NECTIN3: variants seen among roughly 807,000 people sequenced by gnomAD.
NECTIN3 encodes the protein nectin cell adhesion molecule 3.
In NECTIN3, 8 loss-of-function variants were observed where a neutral mutation model predicts 49.4. The ratio of observed to expected loss-of-function variants is 0.16; its 90% CI spans 0.10 to 0.29. The LOEUF (loss-of-function observed/expected upper bound fraction) is 0.29. Ranked by LOEUF, NECTIN3 falls within the 10% of genes least tolerant of loss-of-function variation. The probability of loss-of-function intolerance (pLI) is 1.00; values close to 1 mark genes in which losing one functional copy is unlikely to be tolerated. For missense variants in NECTIN3, 581 were observed against 654.6 expected, an observed-to-expected ratio of 0.89 and a Z score of 1.23; for synonymous variants, 277 against 241.1, an observed-to-expected ratio of 1.15 and a Z score of -1.38.
chr3:111,079,368 A>G (rs535096187), intron 1 of NECTIN3, among the ~76,000 whole-genome samples: 30 of 152,088 alleles, frequency 2.0e-4, no homozygotes, highest in African/African-American at 7.0e-4. Flanking sequence ...TATTTTCATT[A>G]TATTTGTAGT....
At chr3:111,151,679 C>T (rs965540889) in intron 7 of NECTIN3, among the ~76,000 whole-genome samples, 14 of 151,844 alleles carry the variant, frequency 9.2e-5, no homozygotes, top group African/African-American at 3.4e-4. Flanking sequence ...AGTGTGTCAG[C>T]ACTGTTAACT....
intron 1 of NECTIN3, among the ~76,000 whole-genome samples, chr3:111,081,184 G>A (rs1237094689): frequency 6.6e-6 from 1 of 152,236 alleles, no homozygotes; most frequent in Non-Finnish European, 1.5e-5. Flanking sequence ...AGGAGGGTAA[G>A]GTGGGAGGAT....
chr3:111,158,428 A>C (rs2035142520), intron 7 of NECTIN3, among the ~76,000 whole-genome samples: 2 of 152,076 alleles, frequency 1.3e-5, no homozygotes. Flanking sequence ...CCTGTTTATG[A>C]AAAGAAATGG....
downstream of NECTIN3, among the ~76,000 whole-genome samples, chr3:111,138,131 T>G (rs1428213586): frequency 9.9e-5 from 15 of 151,702 alleles, no homozygotes; most frequent in Non-Finnish European, 1.5e-5. Context: ...CATTTAGTGT[T>G]TTTTACTTAC....
At chr3:111,098,054 A>T (rs989151917) in intron 1 of NECTIN3, among the ~76,000 whole-genome samples, 3 of 152,172 alleles carry the variant, frequency 2.0e-5, no homozygotes, top group Non-Finnish European at 2.9e-5. Flanking sequence ...TTCCTTTTCT[A>T]GATGAGGAAG....
chr3:111,180,570 T>A (rs918920659), intron 7 of NECTIN3, among the ~76,000 whole-genome samples: 1 of 152,208 alleles, frequency 6.6e-6, no homozygotes, highest in Admixed American at 6.5e-5. Context: ...TTCACAGTTT[T>A]AATAATATTA....
chr3:111,157,232 A>G (rs1311951409), intron 7 of NECTIN3, among the ~76,000 whole-genome samples: 1 of 152,150 alleles, frequency 6.6e-6, no homozygotes, highest in Non-Finnish European at 1.5e-5. Flanking sequence ...GCCTGTTAAA[A>G]TCATTTTCGT....
In NECTIN3 at chr3:111,136,675, G is replaced by GA. The variant is rs528825622; in HGVS notation, c.*2468dup. The GA allele has an allele frequency of 7.9e-5, 72 of 909,102 alleles. No individual in the cohort carries two copies. Among genetic ancestry groups the GA allele is most frequent in the Non-Finnish European group, 8.5e-5 (65 of 761,394 alleles). The allele number at this position is 909,102 out of a possible 1,614,324, so 56.3% of individuals were successfully genotyped here. A position where few individuals can be genotyped will look rare whatever the true frequency, so the allele number is the denominator to read the frequency against. On this transcript the variant is annotated 3_prime_UTR_variant, in exon 6 of 6. Transcript: ENST00000485303. The stretch of plus-strand genomic sequence containing the variant: ...GTATATATGAAAATTCTACTATCGT[G>GA]AAAAAAAATGAATATTTGTACTATT...
chr3:111,078,353 C>T (rs910872513), intron 1 of NECTIN3, among the ~76,000 whole-genome samples: 79 of 152,204 alleles, frequency 5.2e-4, no homozygotes, highest in African/African-American at 1.8e-3. Flanking sequence ...ATTCTGTTTT[C>T]ATTTTTTTCA....
intron 1 of NECTIN3, among the ~76,000 whole-genome samples, chr3:111,102,028 G>A (rs2032932767): frequency 6.6e-6 from 1 of 152,094 alleles, no homozygotes; most frequent in Non-Finnish European, 1.5e-5. Flanking sequence ...CTGGACTATG[G>A]CAAATGATAC....
At chr3:111,114,099 A>G (rs966483200) in intron 2 of NECTIN3, among the ~76,000 whole-genome samples, 2 of 152,188 alleles carry the variant, frequency 1.3e-5, no homozygotes, top group Non-Finnish European at 2.9e-5. Context: ...CTCAATTAAT[A>G]CAATACTTAT....
chr3:111,074,988 C>G (rs2031077474), intron 1 of NECTIN3: 2 of 151,920 alleles, frequency 1.3e-5, no homozygotes, highest in South Asian at 2.1e-4. Flanking sequence ...TGCCTCTTTC[C>G]ATTTTCAGCA....
At chr3:111,148,850 T>C (rs1420734721) in intron 7 of NECTIN3, among the ~76,000 whole-genome samples, 1 of 152,144 alleles carries the variant, frequency 6.6e-6, no homozygotes, top group Non-Finnish European at 1.5e-5. Flanking sequence ...TAGAAAATTG[T>C]ACGTTTTTAT....
At chr3:111,118,557 T>A in intron 2 of NECTIN3, 99 bp from the exon 3 acceptor site, 2 of 1,096,030 alleles carry the variant, frequency 1.8e-6, no homozygotes, top group South Asian at 1.9e-5. Flanking sequence ...TTATATGCAG[T>A]TGTCCTTAAG....
At chr3:111,085,569 A>G (rs1395782807) in intron 1 of NECTIN3, among the ~76,000 whole-genome samples, 3 of 152,196 alleles carry the variant, frequency 2.0e-5, no homozygotes, top group Non-Finnish European at 4.4e-5. Context: ...CATACTCCTC[A>G]GTCACAAATC....
chr3:111,192,318 T>C, upstream of NECTIN3: 1 of 1,519,028 alleles, frequency 6.6e-7, no homozygotes, highest in Middle Eastern at 1.7e-4. Flanking sequence ...GCCATGTGTT[T>C]TACAGTGCAC....
intron 7 of NECTIN3, among the ~76,000 whole-genome samples, chr3:111,176,888 TG>T (rs1174164919): frequency 6.6e-6 from 1 of 152,186 alleles, no homozygotes; most frequent in Non-Finnish European, 1.5e-5. Flanking sequence ...AAATTATTTC[TG>T]TATTGTCTCA....
intron 7 of NECTIN3, among the ~76,000 whole-genome samples, chr3:111,150,986 A>G (rs1007410062): frequency 2.0e-5 from 3 of 151,916 alleles, no homozygotes; most frequent in African/African-American, 7.2e-5. Context: ...GATGTAAAAG[A>G]TCATAAAGGG....
intron 1 of NECTIN3, among the ~76,000 whole-genome samples, chr3:111,086,095 T>C (rs1374386779): frequency 1.3e-5 from 2 of 152,196 alleles, no homozygotes; most frequent in Non-Finnish European, 2.9e-5. Context: ...ATATCCTCTT[T>C]TGTGAAGTGC....
Sources: gnomAD v4.1 joint callset for allele counts (sites outside exome capture counted in the v4.1 genomes callset) on GRCh38, gnomAD v4.1.1 for gene constraint, MANE v1.5 for transcripts, NCBI Gene and HGNC (gene_info 2026-07-23, HGNC 2026-07-21) for gene names.